Variants in STARD13 observed in about 807,000 individuals in gnomAD.
STARD13 encodes the protein stAR-related lipid transfer protein 13.
STARD13 carries 62 observed loss-of-function variants against 106.4 expected under a neutral mutation model. The observed-to-expected ratio is 0.58, with a 90% CI of 0.48 to 0.72. The LOEUF (loss-of-function observed/expected upper bound fraction) is 0.72. STARD13 is among the 30% of genes least tolerant of loss of function. The probability of loss-of-function intolerance (pLI) is 0.00; values close to 1 mark genes in which losing one functional copy is unlikely to be tolerated. For missense variants in STARD13, 1,387 were observed against 1,424.0 expected, an observed-to-expected ratio of 0.97 and a Z score of 0.42; for synonymous variants, 565 against 553.0, an observed-to-expected ratio of 1.02 and a Z score of -0.31.
the STARD13 span, among the ~76,000 whole-genome samples, chr13:33,456,827 C>T: frequency 6.6e-6 from 1 of 152,190 alleles, no homozygotes; most frequent in African/African-American, 2.4e-5. Context: ...TCTTGGACTT[C>T]CCAGCCTCCA....
At chr13:33,256,681 C>A (rs1292485863) in intron 1 of STARD13, among the ~76,000 whole-genome samples, 1 of 152,116 alleles carries the variant, frequency 6.6e-6, no homozygotes, top group Non-Finnish European at 1.5e-5. Flanking sequence ...TTCAAAATGA[C>A]TGCAAAAAAC....
intron 4 of STARD13, among the ~76,000 whole-genome samples, chr13:33,137,759 TA>T (rs1290808245): frequency 6.6e-6 from 1 of 152,236 alleles, no homozygotes; most frequent in African/African-American, 2.4e-5. Flanking sequence ...CCAACTCAAA[TA>T]CCCTACAGTT....
chr13:33,634,013 T>C, the STARD13 span, among the ~76,000 whole-genome samples: 1 of 152,196 alleles, frequency 6.6e-6, no homozygotes, highest in Non-Finnish European at 1.5e-5. Flanking sequence ...CACTACTCTT[T>C]TGTCTATCAG....
chr13:33,377,301 T>TAA, the STARD13 span, among the ~76,000 whole-genome samples: 15 of 151,848 alleles, frequency 9.9e-5, no homozygotes, highest in Admixed American at 2.0e-4. Flanking sequence ...CACGTTCTGG[T>TAA]AAAAAAAACA....
the STARD13 span, among the ~76,000 whole-genome samples, chr13:33,504,395 C>T: frequency 3.3e-5 from 5 of 152,160 alleles, no homozygotes; most frequent in African/African-American, 1.2e-4. Flanking sequence ...GAAAATATGG[C>T]ACATATACAC....
At chr13:33,122,016 T>C (rs1043971335) in intron 7 of STARD13, among the ~76,000 whole-genome samples, 10 of 152,166 alleles carry the variant, frequency 6.6e-5, no homozygotes, top group African/African-American at 2.4e-4. Flanking sequence ...CAGCTAACTT[T>C]TGTATTTTTA....
At chr13:33,175,305 C>T (rs556148858) in intron 1 of STARD13, among the ~76,000 whole-genome samples, 1 of 152,186 alleles carries the variant, frequency 6.6e-6, no homozygotes, top group Non-Finnish European at 1.5e-5. Flanking sequence ...CTGCCTACCA[C>T]TAAATCCCAA....
intron 4 of STARD13, among the ~76,000 whole-genome samples, chr13:33,132,247 T>G (rs544205722): frequency 6.6e-6 from 1 of 152,322 alleles, no homozygotes; most frequent in East Asian, 1.9e-4. Flanking sequence ...CAAAATCTAA[T>G]CTTGAATATT....
chr13:33,173,856 A>T (rs1884239369), intron 1 of STARD13, among the ~76,000 whole-genome samples: 1 of 152,198 alleles, frequency 6.6e-6, no homozygotes. Context: ...AACCTGGAAG[A>T]CCCGTATAGA....
the STARD13 span, among the ~76,000 whole-genome samples, chr13:33,613,359 A>G: frequency 2.6e-5 from 4 of 152,210 alleles, no homozygotes; most frequent in African/African-American, 9.6e-5. Flanking sequence ...GGCTGAAGCT[A>G]TAGTCCACAG....
the STARD13 span, among the ~76,000 whole-genome samples, chr13:33,615,643 T>C: frequency 6.6e-6 from 1 of 152,062 alleles, no homozygotes; most frequent in Non-Finnish European, 1.5e-5. Context: ...CTCTGCAGCA[T>C]GCCAGATCTT....
chr13:33,586,130 TA>T, the STARD13 span, among the ~76,000 whole-genome samples: 1 of 152,266 alleles, frequency 6.6e-6, no homozygotes, highest in Non-Finnish European at 1.5e-5. Flanking sequence ...AAAAATCAAA[TA>T]AAAATACAAC....
the STARD13 span, among the ~76,000 whole-genome samples, chr13:33,533,463 T>C: frequency 1.3e-5 from 2 of 152,186 alleles, no homozygotes; most frequent in African/African-American, 4.8e-5. Context: ...TTTAAAATGA[T>C]TGGAAATACT....
the STARD13 span, among the ~76,000 whole-genome samples, chr13:33,623,575 G>A: frequency 6.6e-6 from 1 of 151,658 alleles, no homozygotes; most frequent in East Asian, 1.9e-4. Context: ...CCCCATAAAT[G>A]AGCTGATATT....
chr13:33,514,397 G>A, the STARD13 span, among the ~76,000 whole-genome samples: 2 of 152,124 alleles, frequency 1.3e-5, no homozygotes, highest in African/African-American at 4.8e-5. Context: ...AGGAAGGACG[G>A]CCATGGGGTG....
the STARD13 span, among the ~76,000 whole-genome samples, chr13:33,387,176 A>G: frequency 6.6e-6 from 1 of 152,020 alleles, no homozygotes; most frequent in African/African-American, 2.4e-5. Flanking sequence ...TAGCTAATTT[A>G]TTTTTAGTTT....
chr13:33,615,169 G>T, the STARD13 span, among the ~76,000 whole-genome samples: 4 of 152,110 alleles, frequency 2.6e-5, no homozygotes, highest in African/African-American at 9.7e-5. Flanking sequence ...AAAGCAATCC[G>T]CAAAAACCCC....
At chr13:33,145,731 A>G (rs1267393555) in intron 3 of STARD13, among the ~76,000 whole-genome samples, 2 of 152,198 alleles carry the variant, frequency 1.3e-5, no homozygotes, top group Non-Finnish European at 2.9e-5. Flanking sequence ...CATGAATCTC[A>G]GAGTCATTAT....
intron 4 of STARD13, among the ~76,000 whole-genome samples, chr13:33,137,414 A>G (rs530253149): frequency 6.6e-6 from 1 of 152,358 alleles, no homozygotes; most frequent in East Asian, 1.9e-4. Context: ...AACTTTATTT[A>G]TGAAAGCAGG....
Sources: gnomAD v4.1 joint callset for allele counts (sites outside exome capture counted in the v4.1 genomes callset) on GRCh38, gnomAD v4.1.1 for gene constraint, MANE v1.5 for transcripts, NCBI Gene and HGNC (gene_info 2026-07-23, HGNC 2026-07-21) for gene names.